SEC14L5: variants seen among roughly 807,000 people sequenced by gnomAD.
SEC14L5 encodes SEC14-like protein 5.
SEC14L5 carries 96 observed loss-of-function variants against 84.6 expected under a neutral mutation model. The ratio of observed to expected loss-of-function variants is 1.13; its 90% CI spans 0.96 to 1.34. SEC14L5 has a LOEUF of 1.34. SEC14L5 is among the 40% of genes most tolerant of loss of function. The probability of loss-of-function intolerance (pLI) is 0.00; values close to 1 mark genes in which losing one functional copy is unlikely to be tolerated. For missense variants in SEC14L5, 1,224 were observed against 942.5 expected (o/e 1.30, Z -3.91); for synonymous variants, 546 against 383.4 (o/e 1.42, Z -4.95).
chr16:4,996,725 C>A (rs1407942675), intron 7 of SEC14L5, 130 bp from the exon 8 acceptor site: 2 of 725,834 alleles, frequency 2.8e-6, no homozygotes, highest in Non-Finnish European at 4.5e-6. Context: ...GCGCACACCA[C>A]CACGCCTGGC....
chr16:5,010,426 T>C (rs2142533960), intron 14 of SEC14L5, among the ~76,000 whole-genome samples: 1 of 152,134 alleles, frequency 6.6e-6, no homozygotes, highest in South Asian at 2.1e-4. Flanking sequence ...GAATATGAGC[T>C]GCCCCTGTTG....
chr16:4,995,149 A>G (rs1045106907), intron 6 of SEC14L5, among the ~76,000 whole-genome samples: 1 of 152,172 alleles, frequency 6.6e-6, no homozygotes, highest in Non-Finnish European at 1.5e-5. Context: ...CTGGCCGTTC[A>G]TTCAGCCTGT....
At chr16:4,964,062 A>G (rs1473018350) in intron 2 of SEC14L5, among the ~76,000 whole-genome samples, 2 of 152,202 alleles carry the variant, frequency 1.3e-5, no homozygotes, top group Non-Finnish European at 2.9e-5. Flanking sequence ...TAAACAGAGA[A>G]AAACAATTAA....
intron 2 of SEC14L5, among the ~76,000 whole-genome samples, chr16:4,979,933 A>G (rs1955399577): frequency 6.6e-6 from 1 of 152,154 alleles, no homozygotes; most frequent in Non-Finnish European, 1.5e-5. Context: ...TTTGCGAGTT[A>G]CAGGCCAGTG....
At chr16:4,997,101 CTTTAT>C (rs1363543643) in intron 8 of SEC14L5, 57 bp downstream of exon 8, 3 of 1,281,718 alleles carry the variant, frequency 2.3e-6, no homozygotes, top group Non-Finnish European at 3.2e-6. Context: ...GCCAAATGCA[CTTTAT>C]TTATTATTTT....
intron 2 of SEC14L5, among the ~76,000 whole-genome samples, chr16:4,971,392 G>A (rs1301243029): frequency 4.0e-5 from 6 of 151,566 alleles, no homozygotes; most frequent in Non-Finnish European, 7.4e-5. Flanking sequence ...CCAGGAGGTC[G>A]AGGCTGCAGT....
intron 4 of SEC14L5, among the ~76,000 whole-genome samples, chr16:4,989,125 G>T (rs1394776986): frequency 6.6e-6 from 1 of 152,212 alleles, no homozygotes; most frequent in Non-Finnish European, 1.5e-5. Context: ...TTAGAGGCTG[G>T]AATGAGGCAC....
rs923393837 is a variant in SEC14L5, at chr16:4,991,530, C to T, written c.475-308C>T. Among the ~76,000 whole-genome samples, 4 of 152,006 alleles carry T rather than the reference C, an allele frequency of 2.6e-5. 1 individual carries two copies. The South Asian group carries it at 8.3e-4, about 32-fold the overall frequency. On this transcript the variant is annotated intron_variant, in intron 5 of 15. Transcript: ENST00000251170. ...GCAGTGCGCTGAGATGACACTACTG[C>T]ACTCCAGCCTGGGCAACACAGCAAG...
chr16:4,984,199 C>A (rs928309705), intron 2 of SEC14L5, among the ~76,000 whole-genome samples: 55 of 152,178 alleles, frequency 3.6e-4, no homozygotes, highest in African/African-American at 1.3e-3. Context: ...TCTTTCCTCA[C>A]CACTCCTGGT....
Position 5,015,043 on chromosome 16 carries a change from C to T in SEC14L5, c.*73C>T, listed in dbSNP as rs533221227. The T allele has an allele frequency of 9.1e-6, 11 of 1,208,364 alleles. No individual in the cohort carries two copies. In the East Asian group the frequency reaches 1.2e-4, roughly 13 times the overall value. The allele number at this position is 1,208,364 out of a possible 1,614,324, so 74.9% of individuals were successfully genotyped here. On this transcript the variant is annotated 3_prime_UTR_variant, in exon 16 of 16. Transcript: ENST00000251170. ...ATGTCCAGAATGAGAAGCCAGCTAA[C>T]TGCAGGGCCTGGGACCATGTGGGCT...
rs763759980 is a variant in SEC14L5 at position 5,007,366 on chromosome 16, A to G, written c.1452A>G (p.Glu484=). ...CTGACCTGCAGTGTAATGTCCCCGA[A>G]GGAGGGCTGGTCCCCAAGTCCCTCT... The part of the protein sequence containing the change: ...LGGESVCNVP[E]GGLVPKSLYM... The change falls in exon 13 of 16, where the codon GAA becomes GAG. Residue 484 remains glutamate (E), a synonymous_variant. Transcript: ENST00000251170. The G allele has an allele frequency of 1.9e-6, 3 of 1,613,886 alleles. No homozygotes were observed. Among genetic ancestry groups the G allele is most frequent in the Non-Finnish European group, 2.5e-6 (3 of 1,179,822 alleles).
intron 2 of SEC14L5, among the ~76,000 whole-genome samples, chr16:4,969,647 G>C (rs1461877886): frequency 1.3e-5 from 2 of 152,126 alleles, no homozygotes; most frequent in Non-Finnish European, 2.9e-5. Context: ...GCCTCCCAAA[G>C]TGCTGAGATT....
chr16:5,000,758 T>C lies in SEC14L5; in HGVS notation c.1059+15T>C. On this transcript the variant is annotated intron_variant, in intron 9 of 15. Coordinates refer to ENST00000251170, the MANE Select transcript of SEC14L5 (RefSeq NM_014692.2). ...TGCTGCGGCATGTGAGTCAGGGGCC[T>C]CGTTCCTGGACGCCGTGCCTGGGGC... The C allele has an allele frequency of 6.4e-7, 1 of 1,553,738 alleles. No homozygotes were observed. The highest frequency in any genetic ancestry group is 8.7e-7 in the Non-Finnish European group (1 of 1,148,168).
At chr16:4,972,694 G>A (rs1465659483) in intron 2 of SEC14L5, among the ~76,000 whole-genome samples, 3 of 152,210 alleles carry the variant, frequency 2.0e-5, no homozygotes, top group Non-Finnish European at 2.9e-5. Flanking sequence ...TGAAGAATAC[G>A]TCATTGTATG....
intron 2 of SEC14L5, among the ~76,000 whole-genome samples, chr16:4,970,312 G>T (rs1001402505): frequency 3.9e-5 from 6 of 152,166 alleles, no homozygotes; most frequent in African/African-American, 1.2e-4. Context: ...GGGAAGCAGG[G>T]AGTGGGGAGG....
chr16:4,987,534 G>C, intron 2 of SEC14L5, 23 bp from the exon 3 acceptor site: 1 of 1,461,332 alleles, frequency 6.8e-7, no homozygotes, highest in South Asian at 1.2e-5. Flanking sequence ...CACCACGGCC[G>C]CTCACTGCCG....
intron 8 of SEC14L5, among the ~76,000 whole-genome samples, chr16:4,997,954 C>T (rs975637983): frequency 2.0e-5 from 3 of 149,656 alleles, no homozygotes; most frequent in African/African-American, 7.4e-5. Context: ...GTGATTTTAT[C>T]TTGAGATCCT....
intron 5 of SEC14L5, 39 bp from the exon 6 acceptor site, chr16:4,991,799 G>A: frequency 6.8e-7 from 1 of 1,463,992 alleles, no homozygotes; most frequent in Non-Finnish European, 9.3e-7. Flanking sequence ...CCTCCATCCT[G>A]CCCCGTGCTC....
At chr16:4,977,105 A>G (rs1053258542) in intron 2 of SEC14L5, among the ~76,000 whole-genome samples, 2 of 152,234 alleles carry the variant, frequency 1.3e-5, no homozygotes, top group Non-Finnish European at 2.9e-5. Context: ...GGTCACAGCA[A>G]TGTTTAACAA....
Sources: allele counts gnomAD v4.1 joint callset (sites outside exome capture counted in the v4.1 genomes callset), GRCh38; gene constraint gnomAD v4.1.1; transcripts MANE v1.5; gene names NCBI Gene and HGNC (gene_info 2026-07-23, HGNC 2026-07-21).